The following KCNQ1 variants were observed in gnomAD, a reference collection of about 807,000 sequenced individuals.
KCNQ1 encodes potassium voltage-gated channel subfamily Q member 1.
A neutral mutation model predicts 72.4 loss-of-function variants in KCNQ1; 49 were observed. The ratio of observed to expected loss-of-function variants is 0.68; its 90% CI spans 0.54 to 0.86. The LOEUF is 0.86. Among genes scored for constraint, KCNQ1 ranks in the 40% least tolerant of loss-of-function variants. The pLI, the probability that KCNQ1 is intolerant of heterozygous loss-of-function variation, is 0.00. For missense variants in KCNQ1, 790 were observed against 945.1 expected (o/e 0.84, Z 2.15); for synonymous variants, 450 against 412.6 (o/e 1.09, Z -1.10).
At chr11:2,616,021 A>AT (rs1466734428) in intron 10 of KCNQ1, 1 of 397,992 alleles carries the variant, frequency 2.5e-6, no homozygotes. Flanking sequence ...TTGGTTACTG[A>AT]TTCAAACTTT....
At position 2,849,052 on chromosome 11, in the gene KCNQ1, C is replaced by T. The variant is rs1848403955; in HGVS notation, c.*1049C>T. On this transcript the variant is annotated 3_prime_UTR_variant, in exon 16 of 16. Transcript: ENST00000155840. The stretch of plus-strand genomic sequence containing the variant: ...GGGCATCCATGGGGTCTCTCACAGA[C>T]AGGACCCCTGCAGTTCCCCTGGAAG... The T allele has an allele frequency of 2.2e-6, 1 of 454,034 alleles. No individual in the cohort carries two copies. The highest frequency in any genetic ancestry group is 4.4e-6 in the Non-Finnish European group (1 of 226,792). The allele number at this position is 454,034 out of a possible 1,614,324, so 28.1% of individuals were successfully genotyped here.
rs1166471339 is a variant in KCNQ1, at chr11:2,450,078, A to C, written c.386+4594A>C. ...CTAGGCAGGGCCCCCAGTTCCCTGC[A>C]TTCCACCCGCCTTGTCTGGGAGGTG... On this transcript the variant is annotated intron_variant, in intron 1 of 15. Coordinates refer to ENST00000155840, the MANE Select transcript of KCNQ1 (RefSeq NM_000218.3). The surrounding 1 kb of genome is among the most constrained non-coding windows in gnomAD (Gnocchi z 7.9). Among the ~76,000 whole-genome samples the C allele has an allele frequency of 6.6e-6, 1 of 152,116 alleles. No individual in the cohort carries two copies. Among genetic ancestry groups the C allele is most frequent in the Non-Finnish European group, 1.5e-5 (1 of 67,992 alleles).
chr11:2,777,725 G>A (rs1370309392), intron 14 of KCNQ1: 1 of 607,936 alleles, frequency 1.6e-6, no homozygotes, highest in Admixed American at 2.9e-5. Context: ...AGCCCCCTAG[G>A]GCTCTCAGAG....
At chr11:2,821,567 C>T (rs1334313836) in intron 15 of KCNQ1, among the ~76,000 whole-genome samples, 1 of 152,154 alleles carries the variant, frequency 6.6e-6, no homozygotes, top group African/African-American at 2.4e-5. Flanking sequence ...CACACAGTTA[C>T]CCATGGTGTC....
intron 15 of KCNQ1, among the ~76,000 whole-genome samples, chr11:2,838,325 G>C (rs951092695): frequency 1.3e-5 from 2 of 152,116 alleles, no homozygotes; most frequent in African/African-American, 4.8e-5. Context: ...AAGCAGGCTT[G>C]GGGCTGGGGG....
rs1848415966 is a variant in KCNQ1 at position 2,575,861 on chromosome 11, C to A, written c.921+2875C>A. 2.6e-5 allele frequency among the ~76,000 whole-genome samples: 4 copies of A among 152,338 alleles called. No homozygotes were observed. In the South Asian group the frequency reaches 8.3e-4, roughly 32 times the overall value. ...AGTCCGCGAACTGCTGGGCCCAGAG[C>A]AACAGAAACTCATGGGCTCTAGAGG... On this transcript the variant is annotated intron_variant, in intron 6 of 15. Coordinates refer to ENST00000155840, the MANE Select transcript of KCNQ1 (RefSeq NM_000218.3).
chr11:2,664,519 C>T lies in KCNQ1; in HGVS notation c.1514+2438C>T, dbSNP rs374249447. ...GGCAGCAGTGGGCACCCTGTTTCCT[C>T]AGGGCCCAAACCGCCTGGCGGCAGG... On this transcript the variant is annotated intron_variant, in intron 11 of 15. Coordinates refer to ENST00000155840, the MANE Select transcript of KCNQ1 (RefSeq NM_000218.3). The surrounding 1 kb of genome is among the most constrained non-coding windows in gnomAD (Gnocchi z 5.1). 8 of 398,654 alleles carry T rather than the reference C, an allele frequency of 2.0e-5. No homozygotes were observed. Among genetic ancestry groups the T allele is most frequent in the East Asian group, 7.1e-5 (2 of 28,090 alleles). 24.7% of individuals were successfully genotyped at this position (398,654 alleles called of 1,614,324 possible).
In KCNQ1 at chr11:2,784,670, A is replaced by G. The variant is rs1830759159; in HGVS notation, c.1794+6633A>G. ...GTATTGTAATCAATGAACATGGTAT[A>G]TCCCTCCATTTATTTGATCTACTTT... On this transcript the variant is annotated intron_variant, in intron 15 of 15. Transcript: ENST00000155840. The surrounding 1 kb of genome is among the most constrained non-coding windows in gnomAD (Gnocchi z 4.7). Among the ~76,000 whole-genome samples, 1 of 151,962 alleles carries G rather than the reference A, an allele frequency of 6.6e-6. No homozygotes were observed. Among genetic ancestry groups the G allele is most frequent in the Non-Finnish European group, 1.5e-5 (1 of 67,812 alleles).
chr11:2,514,690 G>C lies in KCNQ1; in HGVS notation c.387-13238G>C, dbSNP rs1007179781. The stretch of plus-strand genomic sequence containing the variant: ...AAATACAAAAAATTAGCCCGGCGTG[G>C]TGGCGGGCGCCTGTAGTCCCAGCTA... On this transcript the variant is annotated intron_variant, in intron 1 of 15. Transcript: ENST00000155840. Among the ~76,000 whole-genome samples the C allele has an allele frequency of 2.0e-5, 3 of 152,232 alleles. No homozygotes were observed. In the South Asian group the frequency reaches 6.2e-4, roughly 32 times the overall value.
chr11:2,849,017 T>C lies in KCNQ1; in HGVS notation c.*1014T>C, dbSNP rs1848402712. On this transcript the variant is annotated 3_prime_UTR_variant, in exon 16 of 16. Transcript: ENST00000155840. ...GGCTGGGCTGGGCACTGCTCTCACC[T>C]TGGTTCCTGGGGCATCCATGGGGTC... 2.2e-6 allele frequency: 1 copy of C among 454,160 alleles called. No homozygotes were observed. The highest frequency in any genetic ancestry group is 2.0e-5 in the African/African-American group (1 of 50,152). The allele number at this position is 454,160 out of a possible 1,614,324, so 28.1% of individuals were successfully genotyped here. A position where few individuals can be genotyped will look rare whatever the true frequency, so the allele number is the denominator to read the frequency against.
intron 2 of KCNQ1, among the ~76,000 whole-genome samples, chr11:2,539,850 A>G (rs2133675086): frequency 6.6e-6 from 1 of 152,236 alleles, no homozygotes; most frequent in Non-Finnish European, 1.5e-5. Context: ...AGTGAGTGCC[A>G]CGTTCGGTGG....
intron 15 of KCNQ1, among the ~76,000 whole-genome samples, chr11:2,836,437 C>T (rs1445442233): frequency 6.6e-6 from 1 of 152,170 alleles, no homozygotes. Context: ...GGCCGGACTG[C>T]ACTCCAAGGG....
intron 11 of KCNQ1, among the ~76,000 whole-genome samples, chr11:2,756,025 A>G (rs964308750): frequency 6.6e-6 from 1 of 152,222 alleles, no homozygotes; most frequent in Non-Finnish European, 1.5e-5. Flanking sequence ...CAGTCTGACC[A>G]TTGGGAGCGG....
At chr11:2,805,860 C>G (rs765809931) in intron 15 of KCNQ1, among the ~76,000 whole-genome samples, 8 of 152,208 alleles carry the variant, frequency 5.3e-5, no homozygotes, top group Admixed American at 1.3e-4. Flanking sequence ...ATTCCTCCCC[C>G]CTTGACCTCA....
chr11:2,519,017 G>C (rs1236253886), intron 1 of KCNQ1, among the ~76,000 whole-genome samples: 4 of 152,226 alleles, frequency 2.6e-5, no homozygotes, highest in African/African-American at 7.2e-5. Flanking sequence ...GGCTGCCAGG[G>C]GAGGGGCTTC....
rs182648043 is a variant in KCNQ1, at chr11:2,557,294, G to A, written c.478-13334G>A. ...CATCATACAACATAAAATACATAAA[G>A]CAAAAACTATTGAAAATCTGCAAGG... is the stretch of plus-strand genomic sequence containing the variant. On this transcript the variant is annotated intron_variant, in intron 2 of 15. Transcript: ENST00000155840. Among the ~76,000 whole-genome samples, 24 of 152,262 alleles carry A rather than the reference G, an allele frequency of 1.6e-4. No homozygotes were observed. The East Asian group carries it at 4.6e-3, about 29-fold the overall frequency.
intron 15 of KCNQ1, among the ~76,000 whole-genome samples, chr11:2,789,023 T>C (rs1846967158): frequency 6.6e-6 from 1 of 152,092 alleles, no homozygotes; most frequent in South Asian, 2.1e-4. Flanking sequence ...CATCATGGCT[T>C]GCCTGGCCAG....
At chr11:2,821,152 G>A (rs912344341) in intron 15 of KCNQ1, among the ~76,000 whole-genome samples, 49 of 152,202 alleles carry the variant, frequency 3.2e-4, no homozygotes, top group African/African-American at 1.1e-3. Context: ...TCAAGTGTTC[G>A]GTGGCCCCTG....
In KCNQ1 at chr11:2,762,928, T is replaced by C. The variant is rs111774209; in HGVS notation, c.1515-5916T>C. 2.5e-3 allele frequency among the ~76,000 whole-genome samples: 387 copies of C among 152,328 alleles called. 1 individual carries two copies. Among genetic ancestry groups the C allele is most frequent in the African/African-American group, 8.9e-3 (370 of 41,570 alleles). ...TGTTCATCTGTCTGCCCACACGCTC[T>C]TAATCAAGCCCTGTGGCCTCATGAA... On this transcript the variant is annotated intron_variant, in intron 11 of 15. Transcript: ENST00000155840. This position sits in a 1 kb window ranked among gnomAD's most constrained non-coding sequence, Gnocchi z 4.3.
Sources: gnomAD v4.1 joint callset for allele counts (sites outside exome capture counted in the v4.1 genomes callset) on GRCh38, gnomAD v4.1.1 for gene constraint, Gnocchi (gnomAD v3.1) non-coding constraint, MANE v1.5 for transcripts, NCBI Gene and HGNC (gene_info 2026-07-23, HGNC 2026-07-21) for gene names.